TRMT61B: variants seen among roughly 807,000 people sequenced by gnomAD.
TRMT61B encodes tRNA methyltransferase 61B, also known as tRNA (adenine(58)-N(1))-methyltransferase, mitochondrial.
TRMT61B carries 56 observed loss-of-function variants against 52.0 expected under a neutral mutation model. That is an observed-to-expected ratio of 1.08 (90% CI 0.87 to 1.35). The LOEUF is 1.35. TRMT61B is among the 40% of genes most tolerant of loss of function. TRMT61B has a pLI of 0.00. For synonymous variants in TRMT61B, 206 were observed against 220.0 expected (o/e 0.94, Z 0.56); for missense variants, 650 against 577.9 (o/e 1.12, Z -1.28).
At chr2:28,862,864 T>TTGTGTGTGTG (rs34139201) in intron 2 of TRMT61B, among the ~76,000 whole-genome samples, 2 of 143,934 alleles carry the variant, frequency 1.4e-5, no homozygotes, top group Non-Finnish European at 1.5e-5. Context: ...GTATTTGTAT[T>TTGTGTGTGTG]TGTGTGTGTG....
At chr2:28,860,795 C>T (rs1199786223) in intron 3 of TRMT61B, among the ~76,000 whole-genome samples, 5 of 152,138 alleles carry the variant, frequency 3.3e-5, no homozygotes, top group Admixed American at 2.0e-4. Flanking sequence ...GTGCCGGGTT[C>T]AATATGCTTC....
Position 28,850,200 on chromosome 2 carries a change from CAGTTA to C in TRMT61B, c.1428_1432del (p.Asn477SerfsTer8), listed in dbSNP as rs1669011208. The C allele has an allele frequency of 1.9e-6, 3 of 1,610,874 alleles. No homozygotes were observed. Among genetic ancestry groups the C allele is most frequent in the African/African-American group, 2.7e-5 (2 of 74,828 alleles). Reference sequence around the variant, plus strand: ...GTCAGTTACTGTCATCTGGAGTACTCAGTTAAGTTGTGGTTTGACCTTCCTCAACT... The same window carrying C: ...GTCAGTTACTGTCATCTGGAGTACTCAGTTGTGGTTTGACCTTCCTCAACT... On this transcript the variant is annotated frameshift_variant and stop_lost, in exon 7 of 7. Transcript: ENST00000306108. LOFTEE classifies it high-confidence loss of function.
At chr2:28,867,171 C>G (rs901726991) in intron 1 of TRMT61B, among the ~76,000 whole-genome samples, 3 of 152,016 alleles carry the variant, frequency 2.0e-5, no homozygotes, top group African/African-American at 7.3e-5. Flanking sequence ...TCATGGCTCG[C>G]TGCAGCCTCA....
chr2:28,864,296 C>T (rs970418582), intron 2 of TRMT61B, among the ~76,000 whole-genome samples: 2 of 152,090 alleles, frequency 1.3e-5, no homozygotes, highest in Non-Finnish European at 2.9e-5. Context: ...CACTAGTATT[C>T]AACAATAACA....
chr2:28,851,042 C>T (rs761144353), intron 5 of TRMT61B, 30 bp downstream of exon 5: 7 of 1,435,912 alleles, frequency 4.9e-6, no homozygotes, highest in Non-Finnish European at 6.7e-6. Context: ...CCATTCATTA[C>T]TGCATGCATA....
Position 28,852,437 on chromosome 2 carries a change from A to G in TRMT61B, c.1056T>C (p.His352=), listed in dbSNP as rs1669159865. 6.2e-7 allele frequency: 1 copy of G among 1,610,652 alleles called. No homozygotes were observed. Among genetic ancestry groups the G allele is most frequent in the South Asian group, 1.1e-5 (1 of 90,872 alleles). Residue 352 remains histidine (H), a synonymous_variant, in exon 4 of 7, where the codon CAT becomes CAC. Coordinates refer to ENST00000306108, the MANE Select transcript of TRMT61B (RefSeq NM_017910.4). Reference sequence around the variant, plus strand: ...CTACATATACAGCACATACACCACCATGCTTAAGATGTGGGTAAAAAACAG... The same window carrying G: ...CTACATATACAGCACATACACCACCGTGCTTAAGATGTGGGTAAAAAACAG... The part of the protein sequence containing the change: ...TLPVFYPHLK[H]GGVCAVYVVN...
At chr2:28,862,756 C>A (rs1187958004) in intron 2 of TRMT61B, among the ~76,000 whole-genome samples, 1 of 148,328 alleles carries the variant, frequency 6.7e-6, no homozygotes, top group Admixed American at 6.7e-5. Flanking sequence ...TTTGGGAGGG[C>A]AAGGCAGGCA....
chr2:28,861,086 TA>T (rs1326220359), intron 3 of TRMT61B, 31 bp downstream of exon 3: 1 of 1,539,734 alleles, frequency 6.5e-7, no homozygotes, highest in Non-Finnish European at 8.7e-7. Flanking sequence ...ATAGTCAAAG[TA>T]ATAACACAGG....
rs1669995408 is a variant in TRMT61B, at chr2:28,869,647, G to T, written c.631C>A (p.Leu211Met). The T allele has an allele frequency of 6.2e-7, 1 of 1,614,006 alleles. No individual in the cohort carries two copies. Among genetic ancestry groups the T allele is most frequent in the Non-Finnish European group, 8.5e-7 (1 of 1,180,010 alleles). ...TAGTCTTCCAAGGCTGGCCTCCTCA[G>T]CATGTACTGCTTACCGAAGGAACTC... ...LRSSFGKQYMLRRPALEDYVV... is the reference protein window; with the variant it reads ...LRSSFGKQYMMRRPALEDYVV... The change falls in exon 1 of 7, where the codon CTG becomes ATG. Residue 211 changes from leucine (L) to methionine (M), a missense_variant. By Grantham distance (15) the Leu-to-Met change is conservative. Coordinates refer to ENST00000306108, the MANE Select transcript of TRMT61B (RefSeq NM_017910.4).
chr2:28,865,069 A>C lies in TRMT61B; in HGVS notation c.750T>G (p.Val250=). 1 of 1,613,638 alleles carries C rather than the reference A, an allele frequency of 6.2e-7. No homozygotes were observed. Among genetic ancestry groups the C allele is most frequent in the Non-Finnish European group, 8.5e-7 (1 of 1,179,642 alleles). The change falls in exon 2 of 7, where the codon GTT becomes GTG. Residue 250 remains valine, a synonymous_variant. Coordinates refer to ENST00000306108, the MANE Select transcript of TRMT61B (RefSeq NM_017910.4). ...SMMDINPGDT[V]LEAGSGSGGM... ...CACCAGAGCCTGAGCCAGCTTCCAA[A>C]ACAGTATCACCTGGGTTGATATCCA...
At position 28,861,460 on chromosome 2, in the gene TRMT61B, T is replaced by C; in HGVS notation, c.803-152A>G. ...CTGATCTCCTATCCCTGATCTCCAATTAATCTCCCTCCCTCTTCAGAGGCA... is the reference window on the plus strand; with the variant it reads ...CTGATCTCCTATCCCTGATCTCCAACTAATCTCCCTCCCTCTTCAGAGGCA... On this transcript the variant is annotated intron_variant, in intron 2 of 6. Coordinates refer to ENST00000306108, the MANE Select transcript of TRMT61B (RefSeq NM_017910.4). The C allele has an allele frequency of 4.6e-6, 3 of 648,652 alleles. No individual in the cohort carries two copies. In the South Asian group the frequency reaches 6.8e-5, roughly 15 times the overall value. The allele number at this position is 648,652 out of a possible 1,614,324, so 40.2% of individuals were successfully genotyped here.
chr2:28,855,577 T>C (rs1362769740), intron 3 of TRMT61B, among the ~76,000 whole-genome samples: 2 of 152,100 alleles, frequency 1.3e-5, no homozygotes, highest in Non-Finnish European at 2.9e-5. Context: ...AATGGAGGTG[T>C]CATTTACTAA....
At position 28,870,054 on chromosome 2, in the gene TRMT61B, G is replaced by T; in HGVS notation, c.224C>A (p.Ser75Ter). Residue 75 changes from serine (S) to a stop codon, truncating the protein, a stop_gained, in exon 1 of 7, where the codon TCG becomes TAG. Coordinates refer to ENST00000306108, the MANE Select transcript of TRMT61B (RefSeq NM_017910.4). LOFTEE classifies it high-confidence loss of function. ...CGAAAGACATCCAGTCCCAATGTCC[G>T]AGATGCTCAGAGGGAGAGATGGGCA... Reference protein sequence around the residue: ...ESCPSLPLSISDIGTGCLSSL... With the variant: ...ESCPSLPLSI The T allele has an allele frequency of 6.2e-7, 1 of 1,613,690 alleles. No individual in the cohort carries two copies.
rs1669082874 is a variant in TRMT61B, at chr2:28,851,269, C to A, written c.1115G>T (p.Gly372Val). Residue 372 changes from glycine to valine, a missense_variant, in exon 5 of 7, where the codon GGA becomes GTA. By Grantham distance (109) the Gly-to-Val change is moderately radical. Transcript: ENST00000306108. ...AAGAGCAAGTTCACAGGTGCGAATT[C>A]CATCTAAAAGTTCAATAACCTGTGT... ...NITQVIELLD[G>V]IRTCELALSC... The A allele has an allele frequency of 6.2e-7, 1 of 1,612,990 alleles. No homozygotes were observed.
At position 28,865,079 on chromosome 2, in the gene TRMT61B, C is replaced by G. The variant is rs535325239; in HGVS notation, c.740G>C (p.Gly247Ala). Reference sequence around the variant, plus strand: ...TGAGCCAGCTTCCAAAACAGTATCACCTGGGTTGATATCCATCATTGAGAG... The same window carrying G: ...TGAGCCAGCTTCCAAAACAGTATCAGCTGGGTTGATATCCATCATTGAGAG... ...MILSMMDINP[G>A]DTVLEAGSGS... is the part of the protein sequence containing the mutation. The change falls in exon 2 of 7, where the codon GGT (glycine) becomes GCT (alanine). Residue 247 changes from glycine (G) to alanine (A), a missense_variant. Physicochemically the swap from Gly to Ala is moderately conservative, Grantham distance 60. Transcript: ENST00000306108. 1 of 1,612,992 alleles carries G rather than the reference C, an allele frequency of 6.2e-7. No homozygotes were observed. Among genetic ancestry groups the G allele is most frequent in the African/African-American group, 1.3e-5 (1 of 75,036 alleles).
In TRMT61B at chr2:28,861,130, T is replaced by C. The variant is rs1425839120; in HGVS notation, c.981A>G (p.Leu327=). The C allele has an allele frequency of 2.5e-6, 4 of 1,601,244 alleles. No homozygotes were observed. Among genetic ancestry groups the C allele is most frequent in the Non-Finnish European group, 3.4e-6 (4 of 1,175,812 alleles). ...TTAGAAAACTTACTGCGTCAAATGTTAAAGATTTTATGTCTTCGGTTGCTC... is the reference window on the plus strand; with the variant it reads ...TTAGAAAACTTACTGCGTCAAATGTCAAAGATTTTATGTCTTCGGTTGCTC... ...ISGATEDIKS[L]TFDAVALDML... is the part of the protein sequence containing the mutation. Residue 327 remains leucine (L), a synonymous_variant, in exon 3 of 7, where the codon TTA becomes TTG. Transcript: ENST00000306108.
rs144501479 is a variant in TRMT61B at position 28,850,230 on chromosome 2, T to G, written c.1403A>C (p.Lys468Thr). ...WQPGHTAFLVKLRKVKPQLN is the reference protein window; with the variant it reads ...WQPGHTAFLVTLRKVKPQLN The stretch of plus-strand genomic sequence containing the variant: ...AAGTTGTGGTTTGACCTTCCTCAAC[T>G]TGACAAGAAAAGCTAATTTAAGAGA... Residue 468 changes from lysine to threonine, a missense_variant, in exon 7 of 7, where the codon AAG becomes ACG. Physicochemically the swap from Lys to Thr is moderately conservative, Grantham distance 78. Transcript: ENST00000306108. 4.7e-5 allele frequency: 75 copies of G among 1,611,942 alleles called. 1 individual carries two copies. In the African/African-American group the frequency reaches 8.9e-4, roughly 19 times the overall value.
At chr2:28,869,462 G>C in intron 1 of TRMT61B, 117 bp downstream of exon 1, 1 of 698,870 alleles carries the variant, frequency 1.4e-6, no homozygotes, top group East Asian at 2.6e-5. Flanking sequence ...AAAAGCCTGA[G>C]TACAATAAAA....
In TRMT61B at chr2:28,851,212, C is replaced by CT; in HGVS notation, c.1171dup (p.Arg391LysfsTer22). Reference sequence around the variant, plus strand: ...TTTTGCAAGGCAAACCAACCAATCTCTGACAATGACCTCGCTTATCTTTTC... The same window carrying CT: ...TTTTGCAAGGCAAACCAACCAATCTCTTGACAATGACCTCGCTTATCTTTTC... On this transcript the variant is annotated frameshift_variant, in exon 5 of 7. Coordinates refer to ENST00000306108, the MANE Select transcript of TRMT61B (RefSeq NM_017910.4). LOFTEE classifies it high-confidence loss of function. 6.2e-7 allele frequency: 1 copy of CT among 1,613,714 alleles called. No individual in the cohort carries two copies.
Sources: gnomAD v4.1 joint callset for allele counts (sites outside exome capture counted in the v4.1 genomes callset) on GRCh38, gnomAD v4.1.1 for gene constraint, MANE v1.5 for transcripts, NCBI Gene and HGNC (gene_info 2026-07-23, HGNC 2026-07-21) for gene names.